Variants in IRAK1BP1 observed in about 807,000 individuals in gnomAD.
IRAK1BP1 encodes the protein interleukin-1 receptor-associated kinase 1-binding protein 1.
IRAK1BP1 carries 24 observed loss-of-function variants against 28.0 expected under a neutral mutation model. That is an observed-to-expected ratio of 0.86 (90% CI 0.62 to 1.20). The LOEUF is 1.20. Ranked by LOEUF, IRAK1BP1 falls within the 50% of genes most tolerant of loss-of-function variation. The pLI, the probability that IRAK1BP1 is intolerant of heterozygous loss-of-function variation, is 0.00. For synonymous variants in IRAK1BP1, 131 were observed against 116.3 expected, an observed-to-expected ratio of 1.13 and a Z score of -0.81; for missense variants, 336 against 316.7, an observed-to-expected ratio of 1.06 and a Z score of -0.46.
At chr6:78,944,620 G>A (rs1773703201) in intron 4 of IRAK1BP1, among the ~76,000 whole-genome samples, 1 of 152,170 alleles carries the variant, frequency 6.6e-6, no homozygotes, top group Non-Finnish European at 1.5e-5. Context: ...CTGATTTTAA[G>A]TTTACACGGG....
chr6:78,945,599 T>C, exon 5 of IRAK1BP1: 3 of 732,052 alleles, frequency 4.1e-6, no homozygotes, highest in Non-Finnish European at 6.9e-6. Flanking sequence ...CAACAAAACC[T>C]GAAGGATGCT....
chr6:78,935,712 C>T (rs1312893445), intron 4 of IRAK1BP1: 4 of 984,982 alleles, frequency 4.1e-6, no homozygotes, highest in Non-Finnish European at 4.8e-6. Context: ...GCAAAACACA[C>T]AGGGCACTGG....
At chr6:78,877,430 G>A (rs906761526) in intron 1 of IRAK1BP1, among the ~76,000 whole-genome samples, 1 of 152,126 alleles carries the variant, frequency 6.6e-6, no homozygotes, top group African/African-American at 2.4e-5. Context: ...TTACTATATA[G>A]AGAAGCAAGA....
chr6:78,919,871 A>G lies in IRAK1BP1; in HGVS notation c.*67+16761A>G, dbSNP rs1772672670. Among the ~76,000 whole-genome samples, 2 of 152,152 alleles carry G rather than the reference A, an allele frequency of 1.3e-5. 1 individual carries two copies. The highest frequency in any genetic ancestry group is 1.3e-4 in the Admixed American group (2 of 15,268). Reference sequence around the variant, plus strand: ...AGAAAAGCTGGAAAACACATAATGAAAAAAGAAAACTGTGAGCCAGCATCC... The same window carrying G: ...AGAAAAGCTGGAAAACACATAATGAGAAAAGAAAACTGTGAGCCAGCATCC... On this transcript the variant is annotated intron_variant and NMD_transcript_variant, in intron 4 of 4. Transcript: ENST00000606868.
intron 1 of IRAK1BP1, among the ~76,000 whole-genome samples, chr6:78,876,537 C>T (rs1171640983): frequency 3.3e-5 from 5 of 152,022 alleles, no homozygotes; most frequent in Non-Finnish European, 7.4e-5. Flanking sequence ...AGTTTTGTGC[C>T]CCTTATAGCA....
the IRAK1BP1 span, chr6:78,978,627 G>A: frequency 6.3e-7 from 1 of 1,591,540 alleles, no homozygotes; most frequent in Non-Finnish European, 8.6e-7. Flanking sequence ...GGACATCTTC[G>A]GGGAATGGTA....
At chr6:78,894,345 T>C (rs1331551452) in intron 2 of IRAK1BP1, among the ~76,000 whole-genome samples, 1 of 152,190 alleles carries the variant, frequency 6.6e-6, no homozygotes, top group Non-Finnish European at 1.5e-5. Context: ...AAGTGTACTT[T>C]AAATATGAAG....
intron 1 of IRAK1BP1, among the ~76,000 whole-genome samples, chr6:78,881,615 A>G (rs1314175586): frequency 2.0e-5 from 3 of 152,176 alleles, no homozygotes; most frequent in Non-Finnish European, 4.4e-5. Context: ...CAAATGAGTG[A>G]CATAACTGTG....
chr6:78,945,284 A>T, intron 4 of IRAK1BP1: 2 of 1,548,656 alleles, frequency 1.3e-6, no homozygotes, highest in Admixed American at 1.7e-5. Context: ...CTTGAAAGAT[A>T]CAAGTAATAC....
chr6:78,971,534 C>T, the IRAK1BP1 span, among the ~76,000 whole-genome samples: 1 of 152,094 alleles, frequency 6.6e-6, no homozygotes, highest in Admixed American at 6.5e-5. Context: ...GCCAAGATGG[C>T]CGAATAGGAA....
chr6:78,959,155 A>C, the IRAK1BP1 span, among the ~76,000 whole-genome samples: 2 of 152,132 alleles, frequency 1.3e-5, no homozygotes, highest in East Asian at 3.8e-4. Context: ...TTAATTGACA[A>C]TGCTAAAATA....
the IRAK1BP1 span, among the ~76,000 whole-genome samples, chr6:78,960,329 C>A: frequency 6.6e-6 from 1 of 152,158 alleles, no homozygotes; most frequent in East Asian, 1.9e-4. Flanking sequence ...TGTATGTATA[C>A]AAATAGTTCT....
intron 1 of IRAK1BP1, among the ~76,000 whole-genome samples, chr6:78,873,339 A>G (rs897506015): frequency 1.4e-5 from 2 of 147,002 alleles, no homozygotes; most frequent in African/African-American, 5.0e-5. Context: ...TATTTGCTGT[A>G]TAACTTAGTT....
the IRAK1BP1 span, chr6:78,956,307 T>C: frequency 6.6e-6 from 1 of 152,098 alleles, no homozygotes; most frequent in Non-Finnish European, 1.5e-5. Flanking sequence ...CAATTAGTGG[T>C]CAAGGGCTGT....
chr6:78,886,650 T>A (rs1205718853), intron 2 of IRAK1BP1, among the ~76,000 whole-genome samples: 1 of 152,118 alleles, frequency 6.6e-6, no homozygotes, highest in Non-Finnish European at 1.5e-5. Context: ...GGAGGTTTAT[T>A]ATGAAGGTAC....
chr6:78,966,028 A>G, the IRAK1BP1 span: 3 of 1,613,712 alleles, frequency 1.9e-6, no homozygotes, highest in Admixed American at 3.3e-5. Context: ...ACCACCAGGC[A>G]TCATCTATGA....
At chr6:78,877,844 T>A (rs1265296965) in intron 1 of IRAK1BP1, among the ~76,000 whole-genome samples, 1 of 151,978 alleles carries the variant, frequency 6.6e-6, no homozygotes, top group South Asian at 2.1e-4. Flanking sequence ...GGAGATTATA[T>A]CCCGCACCTG....
the IRAK1BP1 span, among the ~76,000 whole-genome samples, chr6:78,977,931 CT>C: frequency 6.6e-6 from 1 of 152,098 alleles, no homozygotes; most frequent in African/African-American, 2.4e-5. Flanking sequence ...AAAGAAGCCT[CT>C]ATTTTAATTC....
intron 1 of IRAK1BP1, among the ~76,000 whole-genome samples, chr6:78,879,816 C>T (rs1251204580): frequency 6.6e-6 from 1 of 152,058 alleles, no homozygotes; most frequent in African/African-American, 2.4e-5. Context: ...GACCTACATG[C>T]ACATCTCTTG....
Sources: allele counts gnomAD v4.1 joint callset (sites outside exome capture counted in the v4.1 genomes callset), GRCh38; gene constraint gnomAD v4.1.1; transcripts MANE v1.5; gene names NCBI Gene and HGNC (gene_info 2026-07-23, HGNC 2026-07-21).